The following CCNH variants were observed in gnomAD, a reference collection of about 807,000 sequenced individuals.
CCNH encodes the protein cyclin-H.
A neutral mutation model predicts 41.9 loss-of-function variants in CCNH; 31 were observed. The observed-to-expected ratio is 0.74, with a 90% confidence interval of 0.56 to 1.00. CCNH has a LOEUF of 1.00. CCNH is among the 50% of genes least tolerant of loss of function. The probability of loss-of-function intolerance (pLI) is 0.00; values close to 1 mark genes in which losing one functional copy is unlikely to be tolerated. For synonymous variants in CCNH, 138 were observed against 136.1 expected, an observed-to-expected ratio of 1.01 and a Z score of -0.10; for missense variants, 362 against 388.4, an observed-to-expected ratio of 0.93 and a Z score of 0.57.
intron 9 of CCNH, chr5:87,385,488 T>A (rs1393814315): frequency 1.1e-6 from 1 of 883,714 alleles, no homozygotes; most frequent in African/African-American, 1.7e-5. Context: ...GCAGTGAAAT[T>A]TTTAGCGATG....
At chr5:87,342,035 C>T (rs1233829169) in intron 9 of CCNH, among the ~76,000 whole-genome samples, 1 of 152,106 alleles carries the variant, frequency 6.6e-6, no homozygotes, top group African/African-American at 2.4e-5. Context: ...ATTCTGAGTT[C>T]ATTTTTATTG....
At chr5:87,329,826 A>G (rs1757484190) in intron 9 of CCNH, among the ~76,000 whole-genome samples, 1 of 152,170 alleles carries the variant, frequency 6.6e-6, no homozygotes, top group Non-Finnish European at 1.5e-5. Flanking sequence ...CAACTAAATA[A>G]ACTCATAGCC....
At chr5:87,387,928 A>G (rs778699255), downstream of CCNH, among the ~76,000 whole-genome samples, 1 of 152,300 alleles carries the variant, frequency 6.6e-6, no homozygotes, top group East Asian at 1.9e-4. Flanking sequence ...ATGCCACACA[A>G]TCTAAGATTT....
intron 9 of CCNH, chr5:87,349,131 A>C (rs1759074945): frequency 1.4e-6 from 2 of 1,478,846 alleles, no homozygotes; most frequent in South Asian, 2.4e-5. Flanking sequence ...TATGACTTTG[A>C]ATGCACTTTG....
At chr5:87,335,411 A>G (rs1323596931) in intron 9 of CCNH, among the ~76,000 whole-genome samples, 4 of 150,200 alleles carry the variant, frequency 2.7e-5, no homozygotes, top group African/African-American at 9.8e-5. Context: ...AAGATAATAA[A>G]GAATGAGGTT....
At chr5:87,379,596 T>G, upstream of CCNH, 1 of 1,207,706 alleles carries the variant, frequency 8.3e-7, no homozygotes. Context: ...AAACTCCCAT[T>G]ATACAAAGAA....
At chr5:87,405,919 G>A (rs1166002563) in intron 4 of CCNH, among the ~76,000 whole-genome samples, 1 of 152,020 alleles carries the variant, frequency 6.6e-6, no homozygotes, top group Non-Finnish European at 1.5e-5. Flanking sequence ...CATACAAGCA[G>A]AAGTCTGGTA....
chr5:87,348,522 GAATAA>G (rs1561299849), intron 9 of CCNH, among the ~76,000 whole-genome samples: 2 of 151,784 alleles, frequency 1.3e-5, no homozygotes, highest in South Asian at 2.1e-4. Flanking sequence ...CATACCTATT[GAATAA>G]AATATAGTGT....
chr5:87,395,219 A>C, intron 7 of CCNH, 115 bp from the exon 8 acceptor site: 1 of 750,686 alleles, frequency 1.3e-6, no homozygotes, highest in Non-Finnish European at 2.1e-6. Context: ...CAACAAGGCC[A>C]GGATAAATGG....
chr5:87,408,194 A>G lies in CCNH; in HGVS notation c.315-8T>C, dbSNP rs1237093808. The G allele has an allele frequency of 1.1e-5, 17 of 1,545,572 alleles. No individual in the cohort carries two copies. The highest frequency in any genetic ancestry group is 1.5e-5 in the Non-Finnish European group (17 of 1,135,316). ...AAAAATGCACAAGTGAGCCTAGAGG[A>G]AAAAATAAGGAGGCAGGAGGCAGGG... On this transcript the variant is annotated splice_region_variant and splice_polypyrimidine_tract_variant and intron_variant, in intron 3 of 8. Coordinates refer to ENST00000256897, the MANE Select transcript of CCNH (RefSeq NM_001239.4).
chr5:87,333,116 A>T (rs1580284052), intron 9 of CCNH: 1 of 1,176,732 alleles, frequency 8.5e-7, no homozygotes, highest in East Asian at 2.7e-5. Context: ...CTTTCTAGGC[A>T]CTGGGTATTT....
intron 5 of CCNH, among the ~76,000 whole-genome samples, chr5:87,404,222 T>G (rs796189203): frequency 2.0e-5 from 3 of 152,322 alleles, no homozygotes; most frequent in African/African-American, 7.2e-5. Context: ...AACACAAATA[T>G]TCCTATTAAG....
upstream of CCNH, chr5:87,378,290 T>G: frequency 7.5e-7 from 1 of 1,337,176 alleles, no homozygotes; most frequent in East Asian, 2.3e-5. Context: ...AAAAGCACAT[T>G]TAAGTGGCTA....
chr5:87,369,190 A>G (rs1442687805), intron 9 of CCNH, among the ~76,000 whole-genome samples: 1 of 152,188 alleles, frequency 6.6e-6, no homozygotes, highest in Non-Finnish European at 1.5e-5. Context: ...TTTCAAGTCT[A>G]GTTGGAAAGA....
chr5:87,373,210 C>G (rs561825614), downstream of CCNH, among the ~76,000 whole-genome samples: 1 of 152,036 alleles, frequency 6.6e-6, no homozygotes, highest in Non-Finnish European at 1.5e-5. Flanking sequence ...CCTTTCTATT[C>G]ATGGGTTCTG....
intron 9 of CCNH, among the ~76,000 whole-genome samples, chr5:87,351,164 C>T (rs1355216757): frequency 2.0e-5 from 3 of 150,652 alleles, no homozygotes; most frequent in Non-Finnish European, 4.4e-5. Flanking sequence ...CTTTAATGTT[C>T]CTATATTCAG....
chr5:87,316,496 CCT>C (rs201575864), downstream of CCNH, among the ~76,000 whole-genome samples: 406 of 152,304 alleles, frequency 2.7e-3, 5 homozygotes, highest in East Asian at 8.3e-3. Context: ...AAATTTTCTA[CCT>C]CTCTCCCTCA....
At chr5:87,349,427 C>T in intron 9 of CCNH, 2 of 1,554,548 alleles carry the variant, frequency 1.3e-6, no homozygotes, top group South Asian at 2.3e-5. Flanking sequence ...CTTGATAATA[C>T]AGTATTCAGA....
At chr5:87,394,209 T>C, downstream of CCNH, 1 of 1,157,920 alleles carries the variant, frequency 8.6e-7, no homozygotes, top group Non-Finnish European at 1.1e-6. Context: ...GGCAAATGAG[T>C]TGCAGCTTTA....
Sources: gnomAD v4.1 joint callset for allele counts (sites outside exome capture counted in the v4.1 genomes callset) on GRCh38, gnomAD v4.1.1 for gene constraint, MANE v1.5 for transcripts, NCBI Gene and HGNC (gene_info 2026-07-23, HGNC 2026-07-21) for gene names.